HAT1: variants seen among roughly 807,000 people sequenced by gnomAD.
HAT1 encodes the protein histone acetyltransferase type B catalytic subunit.
A neutral mutation model predicts 56.6 loss-of-function variants in HAT1; 20 were observed. The observed-to-expected ratio is 0.35, with a 90% CI of 0.25 to 0.51. The LOEUF (loss-of-function observed/expected upper bound fraction) is 0.51, where lower values mean the gene tolerates loss of function less well. Ranked by LOEUF, HAT1 falls within the 20% of genes least tolerant of loss-of-function variation. HAT1 has a pLI of 0.95. For synonymous variants in HAT1, 146 were observed against 165.5 expected, an observed-to-expected ratio of 0.88 and a Z score of 0.91; for missense variants, 408 against 504.3, an observed-to-expected ratio of 0.81 and a Z score of 1.83.
intron 4 of HAT1, among the ~76,000 whole-genome samples, chr2:171,961,056 C>T (rs1687560003): frequency 6.6e-6 from 1 of 152,102 alleles, no homozygotes; most frequent in Non-Finnish European, 1.5e-5. Flanking sequence ...GCAGGAGAAT[C>T]ACTTGAACTC....
At chr2:171,965,219 T>A in intron 4 of HAT1, 119 bp from the exon 5 acceptor site, 1 of 632,800 alleles carries the variant, frequency 1.6e-6, no homozygotes. Flanking sequence ...TGTGTTTACT[T>A]CTTTAGTTTT....
Position 171,925,626 on chromosome 2 carries a change from A to G in HAT1, c.97A>G (p.Ile33Val). 3 of 1,469,496 alleles carry G rather than the reference A, an allele frequency of 2.0e-6. No individual in the cohort carries two copies. Among genetic ancestry groups the G allele is most frequent in the Non-Finnish European group, 2.9e-6 (3 of 1,048,226 alleles). The allele number at this position is 1,469,496 out of a possible 1,614,324, so 91.0% of individuals were successfully genotyped here. The change falls in exon 2 of 11, where the codon ATT becomes GTT. Residue 33 changes from isoleucine to valine, a missense_variant. By Grantham distance (29) the Ile-to-Val change is conservative. Transcript: ENST00000264108. ...GTACAAATGTAACACCAACACAGCA[A>G]TTGAACTAAAATTAGGTATGTATGC... ...AEYKCNTNTA[I>V]ELKLVRFPED... is the part of the protein sequence containing the mutation.
At chr2:171,926,955 A>G (rs1157226019) in intron 2 of HAT1, among the ~76,000 whole-genome samples, 1 of 152,256 alleles carries the variant, frequency 6.6e-6, no homozygotes, top group Non-Finnish European at 1.5e-5. Flanking sequence ...ACCACGGAAT[A>G]CTATTTGACA....
intron 4 of HAT1, among the ~76,000 whole-genome samples, chr2:171,955,266 T>C (rs993900821): frequency 2.0e-5 from 3 of 152,174 alleles, no homozygotes; most frequent in Admixed American, 6.6e-5. Context: ...AGGTGCATGA[T>C]AGAAAAAGCA....
intron 1 of HAT1, among the ~76,000 whole-genome samples, chr2:171,925,303 C>T (rs567506821): frequency 1.3e-5 from 2 of 152,254 alleles, no homozygotes; most frequent in Admixed American, 6.5e-5. Flanking sequence ...AACTCCTGAC[C>T]TTGTGATCCA....
intron 2 of HAT1, among the ~76,000 whole-genome samples, chr2:171,935,489 T>C (rs185372454): frequency 9.8e-4 from 113 of 114,912 alleles, no homozygotes; most frequent in Non-Finnish European, 1.4e-3. Context: ...CACTCCAGCC[T>C]GGGCAACAAG....
At chr2:171,953,078 C>A in intron 4 of HAT1, 77 bp downstream of exon 4, 1 of 929,162 alleles carries the variant, frequency 1.1e-6, no homozygotes, top group Non-Finnish European at 1.6e-6. Context: ...GGTGCGGTGG[C>A]TCACACCTGT....
At chr2:171,939,701 A>G (rs1476420959) in intron 2 of HAT1, among the ~76,000 whole-genome samples, 1 of 152,202 alleles carries the variant, frequency 6.6e-6, no homozygotes, top group Non-Finnish European at 1.5e-5. Flanking sequence ...ACGTCCTGCA[A>G]AATGTCAAGT....
chr2:171,971,997 G>C (rs1478236385), intron 8 of HAT1, among the ~76,000 whole-genome samples: 1 of 152,138 alleles, frequency 6.6e-6, no homozygotes, highest in Non-Finnish European at 1.5e-5. Context: ...GAGCACCCAA[G>C]CAACACACAT....
rs746203752 is a variant in HAT1, at chr2:171,983,176, G to T, written c.1093-9G>T. 8 of 1,504,870 alleles carry T rather than the reference G, an allele frequency of 5.3e-6. No homozygotes were observed. Among genetic ancestry groups the T allele is most frequent in the African/African-American group, 1.4e-5 (1 of 71,420 alleles). 93.2% of individuals were successfully genotyped at this position (1,504,870 alleles called of 1,614,324 possible). ...TTCTTCGTCTAACAAATAATTGTTT[G>T]TCACTTAGAAAAAGCAGAGAGATCT... On this transcript the variant is annotated splice_polypyrimidine_tract_variant and intron_variant, in intron 10 of 10. Transcript: ENST00000264108.
At chr2:171,949,399 C>G (rs1236421311) in intron 3 of HAT1, among the ~76,000 whole-genome samples, 4 of 151,744 alleles carry the variant, frequency 2.6e-5, no homozygotes, top group Non-Finnish European at 5.9e-5. Flanking sequence ...ATTTTTTGGC[C>G]GGGTGCAGTG....
At chr2:171,927,141 C>T (rs371355521) in intron 2 of HAT1, among the ~76,000 whole-genome samples, 2 of 152,170 alleles carry the variant, frequency 1.3e-5, no homozygotes, top group Non-Finnish European at 2.9e-5. Flanking sequence ...CGCAGAGTAA[C>T]TACAAATGGG....
At position 171,935,825 on chromosome 2, in the gene HAT1, G is replaced by A. The variant is rs375926753; in HGVS notation, c.112+10184G>A. Among the ~76,000 whole-genome samples, 26 of 151,820 alleles carry A rather than the reference G, an allele frequency of 1.7e-4. No homozygotes were observed. In the East Asian group the frequency reaches 3.9e-3, roughly 23 times the overall value. On this transcript the variant is annotated intron_variant, in intron 2 of 10. Coordinates refer to ENST00000264108, the MANE Select transcript of HAT1 (RefSeq NM_003642.4). ...TGGGAGGTTGAGGTTGCAGTGAGCT[G>A]TGATTGGTTGTGCCACAACACTCCA...
At position 171,925,619 on chromosome 2, in the gene HAT1, C is replaced by A; in HGVS notation, c.90C>A (p.Asn30Lys). ...KKLAEYKCNT[N>K]TAIELKLVRF... Reference sequence around the variant, plus strand: ...TGGCAGAGTACAAATGTAACACCAACACAGCAATTGAACTAAAATTAGGTA... The same window carrying A: ...TGGCAGAGTACAAATGTAACACCAAAACAGCAATTGAACTAAAATTAGGTA... Residue 30 changes from asparagine (N) to lysine (K), a missense_variant, in exon 2 of 11, where the codon AAC becomes AAA. By Grantham distance (94) the Asn-to-Lys change is moderately conservative. Coordinates refer to ENST00000264108, the MANE Select transcript of HAT1 (RefSeq NM_003642.4). The A allele has an allele frequency of 6.6e-7, 1 of 1,515,780 alleles. No homozygotes were observed. The highest frequency in any genetic ancestry group is 9.2e-7 in the Non-Finnish European group (1 of 1,090,492). The allele number at this position is 1,515,780 out of a possible 1,614,324, so 93.9% of individuals were successfully genotyped here.
intron 2 of HAT1, among the ~76,000 whole-genome samples, chr2:171,934,152 C>G (rs528002158): frequency 1.3e-5 from 2 of 152,284 alleles, no homozygotes; most frequent in East Asian, 3.9e-4. Flanking sequence ...TTTAACCCAT[C>G]TTGCCTCATA....
At chr2:171,946,453 A>G (rs1417548344) in intron 2 of HAT1, among the ~76,000 whole-genome samples, 1 of 152,228 alleles carries the variant, frequency 6.6e-6, no homozygotes, top group East Asian at 1.9e-4. Context: ...TGCCTCTGTC[A>G]TACTTAGCCT....
intron 8 of HAT1, among the ~76,000 whole-genome samples, chr2:171,971,042 T>TA (rs974198962): frequency 5.9e-5 from 9 of 151,470 alleles, no homozygotes; most frequent in Admixed American, 5.3e-4. Context: ...CTACTAAAAA[T>TA]AAAAAAATTA....
At chr2:171,974,190 AAAGAAAAAAAGAAAAAG>A (rs1687896728) in intron 8 of HAT1, among the ~76,000 whole-genome samples, 1 of 124,828 alleles carries the variant, frequency 8.0e-6, no homozygotes, top group African/African-American at 3.2e-5. Flanking sequence ...AAAAAAAAAA[AAAGAAAAAAAGAAAAAG>A]AAAAAAAAAA....
chr2:171,969,770 A>C (rs1463740318), intron 8 of HAT1, among the ~76,000 whole-genome samples: 2 of 152,136 alleles, frequency 1.3e-5, no homozygotes, highest in African/African-American at 4.8e-5. Context: ...TTTCAGGTAA[A>C]AATGTGGCCT....
Sources: allele counts gnomAD v4.1 joint callset (sites outside exome capture counted in the v4.1 genomes callset), GRCh38; gene constraint gnomAD v4.1.1; transcripts MANE v1.5; gene names NCBI Gene and HGNC (gene_info 2026-07-23, HGNC 2026-07-21).